The following EZR variants were observed in gnomAD, a reference collection of about 807,000 sequenced individuals.
The protein encoded by EZR is ezrin, also known as cytovillin 2.
EZR carries 40 observed loss-of-function variants against 74.8 expected under a neutral mutation model. That is an observed-to-expected ratio of 0.53 (90% CI 0.42 to 0.70). The LOEUF is 0.70. Ranked by LOEUF, EZR falls within the 30% of genes least tolerant of loss-of-function variation. The probability of loss-of-function intolerance (pLI) is 0.00; values close to 1 mark genes in which losing one functional copy is unlikely to be tolerated. For synonymous variants in EZR, 341 were observed against 283.3 expected (o/e 1.20, Z -2.05); for missense variants, 678 against 755.8 (o/e 0.90, Z 1.21).
At position 158,785,733 on chromosome 6, in the gene EZR, C is replaced by A; in HGVS notation, c.193-150G>T. ...AAAGTCATCTTTTTAGCACTCCAGA[C>A]AAAAAAAGGTTAGTCAAAAGTGCTA... is the stretch of plus-strand genomic sequence containing the variant. On this transcript the variant is annotated intron_variant, in intron 4 of 13. Coordinates refer to ENST00000367075, the MANE Select transcript of EZR (RefSeq NM_001111077.2). The A allele has an allele frequency of 7.7e-6, 8 of 1,036,052 alleles. No individual in the cohort carries two copies. In the Admixed American group the frequency reaches 1.4e-4, roughly 18 times the overall value. The allele number at this position is 1,036,052 out of a possible 1,614,324, so 64.2% of individuals were successfully genotyped here.
intron 2 of EZR, among the ~76,000 whole-genome samples, chr6:158,792,813 T>TGAA (rs1791779844): frequency 1.9e-5 from 1 of 51,534 alleles, no homozygotes; most frequent in Non-Finnish European, 5.2e-5. Context: ...AGACTCCATC[T>TGAA]CAAAAAAAAA....
Position 158,769,314 on chromosome 6 carries a change from G to T in EZR, c.1344+12C>A, listed in dbSNP as rs368743946. On this transcript the variant is annotated intron_variant, in intron 12 of 13. Transcript: ENST00000367075. ...CTGTGGCCGTGCGGAGGTGTCCCCCGTGCAGACTCACCCTGTGCTGCCACT... is the reference window on the plus strand; with the variant it reads ...CTGTGGCCGTGCGGAGGTGTCCCCCTTGCAGACTCACCCTGTGCTGCCACT... The T allele has an allele frequency of 6.2e-7, 1 of 1,607,046 alleles. No homozygotes were observed. The highest frequency in any genetic ancestry group is 1.7e-5 in the Admixed American group (1 of 60,004).
intron 12 of EZR, 69 bp downstream of exon 12, chr6:158,769,257 G>A: frequency 1.4e-6 from 2 of 1,389,158 alleles, no homozygotes; most frequent in Non-Finnish European, 2.0e-6. Flanking sequence ...ACCTGCAGAA[G>A]GGCCCCACCG....
intron 2 of EZR, among the ~76,000 whole-genome samples, chr6:158,795,004 A>C (rs183764500): frequency 7.2e-5 from 11 of 152,276 alleles, no homozygotes. Flanking sequence ...TAATCACAGC[A>C]CTCTGGGGGG....
At chr6:158,817,891 G>C (rs992808997) in intron 2 of EZR, 191 bp downstream of exon 2, 2 of 467,130 alleles carry the variant, frequency 4.3e-6, no homozygotes, top group Non-Finnish European at 7.7e-6. Flanking sequence ...CATCAAAATG[G>C]TGTTTTCCTA....
chr6:158,767,654 C>A, intron 12 of EZR, 142 bp from the exon 13 acceptor site: 1 of 813,874 alleles, frequency 1.2e-6, no homozygotes, highest in Non-Finnish European at 1.8e-6. Flanking sequence ...AAGAGGAGCA[C>A]CCTCAGGGTG....
intron 5 of EZR, among the ~76,000 whole-genome samples, 185 bp from the exon 6 acceptor site, chr6:158,784,912 C>T (rs1791530355): frequency 6.6e-6 from 1 of 152,224 alleles, no homozygotes; most frequent in Non-Finnish European, 1.5e-5. Flanking sequence ...GAAGACTTAG[C>T]ATTTTGAACA....
intron 2 of EZR, among the ~76,000 whole-genome samples, chr6:158,807,304 G>A (rs1777360983): frequency 8.0e-6 from 1 of 124,402 alleles, no homozygotes. Flanking sequence ...GACAGACAGA[G>A]ACTCCGTCTC....
At chr6:158,776,541 T>A in intron 7 of EZR, 37 bp from the exon 8 acceptor site, 1 of 1,434,190 alleles carries the variant, frequency 7.0e-7, no homozygotes, top group Non-Finnish European at 9.7e-7. Context: ...GTTAGATGTA[T>A]ACATATGTTC....
chr6:158,775,101 C>T (rs1189052207), intron 8 of EZR, among the ~76,000 whole-genome samples: 1 of 145,688 alleles, frequency 6.9e-6, no homozygotes, highest in East Asian at 2.1e-4. Flanking sequence ...GTGGCGATCT[C>T]AGCTCACTGC....
At chr6:158,787,959 C>G (rs1791627635) in intron 3 of EZR, among the ~76,000 whole-genome samples, 1 of 152,200 alleles carries the variant, frequency 6.6e-6, no homozygotes, top group Non-Finnish European at 1.5e-5. Flanking sequence ...AACAGAAAAG[C>G]AGTGATAGTC....
intron 7 of EZR, among the ~76,000 whole-genome samples, chr6:158,778,040 C>T (rs1323198315): frequency 1.3e-5 from 2 of 152,228 alleles, no homozygotes; most frequent in African/African-American, 4.8e-5. Context: ...TGCCCTGCTA[C>T]TGACTTCAGC....
chr6:158,791,578 C>CA (rs1237318626), intron 2 of EZR, among the ~76,000 whole-genome samples: 1 of 151,990 alleles, frequency 6.6e-6, no homozygotes, highest in Admixed American at 6.6e-5. Context: ...CTGGATATGC[C>CA]ACCTTTCTTT....
intron 2 of EZR, among the ~76,000 whole-genome samples, chr6:158,789,916 A>C (rs562076951): frequency 6.6e-6 from 1 of 152,364 alleles, no homozygotes; most frequent in Admixed American, 6.5e-5. Flanking sequence ...CACCCTGCCC[A>C]ACCTAAGCAG....
chr6:158,787,804 C>T (rs1008253100), intron 3 of EZR, among the ~76,000 whole-genome samples: 7 of 152,232 alleles, frequency 4.6e-5, no homozygotes, highest in Admixed American at 4.6e-4. Context: ...GAGGAACCTG[C>T]ATCTTATAGA....
rs150994217 is a variant in EZR, at chr6:158,787,209, TGAGA to T, written c.97-10_97-7del. On this transcript the variant is annotated splice_polypyrimidine_tract_variant and splice_region_variant and intron_variant, in intron 3 of 13. Transcript: ENST00000367075. Reference sequence around the variant, plus strand: ...AGGCCGATAGTCTTTACCACCTGCGTGAGAGAGAGAGAGGCTCAACACTCATGAG... The same window carrying T: ...AGGCCGATAGTCTTTACCACCTGCGTGAGAGAGAGGCTCAACACTCATGAG... 1.5e-4 allele frequency: 244 copies of T among 1,606,642 alleles called. No individual in the cohort carries two copies. The highest frequency in any genetic ancestry group is 1.9e-4 in the Non-Finnish European group (228 of 1,174,664).
intron 2 of EZR, among the ~76,000 whole-genome samples, chr6:158,804,099 A>C (rs1487673121): frequency 1.3e-5 from 2 of 152,074 alleles, no homozygotes; most frequent in African/African-American, 2.4e-5. Flanking sequence ...GCCATTTCCG[A>C]CCTGCTGATG....
At chr6:158,768,153 T>G (rs1790969658) in intron 12 of EZR, among the ~76,000 whole-genome samples, 1 of 151,922 alleles carries the variant, frequency 6.6e-6, no homozygotes, top group Non-Finnish European at 1.5e-5. Flanking sequence ...CGGGGTGGTT[T>G]CCCCTATGCT....
intron 9 of EZR, 63 bp downstream of exon 9, chr6:158,771,181 C>A: frequency 1.1e-6 from 1 of 943,006 alleles, no homozygotes; most frequent in Admixed American, 2.2e-5. Flanking sequence ...CTGACAGGCA[C>A]TGGCTGCCAG....
Sources: allele counts gnomAD v4.1 joint callset (sites outside exome capture counted in the v4.1 genomes callset), GRCh38; gene constraint gnomAD v4.1.1; transcripts MANE v1.5; gene names NCBI Gene and HGNC (gene_info 2026-07-23, HGNC 2026-07-21).